SLC2A13: variants seen among roughly 807,000 people sequenced by gnomAD.
The protein encoded by SLC2A13 is proton myo-inositol cotransporter.
In SLC2A13, 32 loss-of-function variants were observed where a neutral mutation model predicts 64.4. The observed-to-expected ratio is 0.50, with a 90% CI of 0.37 to 0.67. SLC2A13 has a LOEUF of 0.67. Ranked by LOEUF, SLC2A13 falls within the 30% of genes least tolerant of loss-of-function variation. The probability of loss-of-function intolerance (pLI) is 0.00; values close to 1 mark genes in which losing one functional copy is unlikely to be tolerated. For missense variants in SLC2A13, 743 were observed against 829.2 expected (o/e 0.90, Z 1.28); for synonymous variants, 338 against 327.1 (o/e 1.03, Z -0.36).
At chr12:40,060,450 A>T (rs1948401960) in intron 1 of SLC2A13, among the ~76,000 whole-genome samples, 1 of 152,186 alleles carries the variant, frequency 6.6e-6, no homozygotes, top group Non-Finnish European at 1.5e-5. Context: ...ATGGAAAGGG[A>T]TCAGAAATCA....
At chr12:40,030,055 T>C (rs1184942407) in intron 2 of SLC2A13, among the ~76,000 whole-genome samples, 1 of 152,242 alleles carries the variant, frequency 6.6e-6, no homozygotes, top group Non-Finnish European at 1.5e-5. Context: ...ACATATTTTA[T>C]GAAATAACAC....
intron 3 of SLC2A13, among the ~76,000 whole-genome samples, chr12:40,026,743 A>G (rs1338917262): frequency 1.3e-5 from 2 of 152,210 alleles, no homozygotes; most frequent in African/African-American, 2.4e-5. Flanking sequence ...CCACTCACAC[A>G]TAATTTGTAC....
Position 39,896,273 on chromosome 12 carries a change from TGTATAC to T in SLC2A13, c.1035-24318_1035-24313del, listed in dbSNP as rs1944855526. Among the ~76,000 whole-genome samples, 13 of 131,992 alleles carry T rather than the reference TGTATAC, an allele frequency of 9.8e-5. No individual in the cohort carries two copies. The Admixed American group carries it at 1.0e-3, about 10-fold the overall frequency. The allele number at this position is 131,992 out of a possible 152,430, so 86.6% of individuals were successfully genotyped here. Reference sequence around the variant, plus strand: ...ACATGTATGTATATGTGTGTATATATGTATACATGTATGTATATGTGTGTATATATG... The same window carrying T: ...ACATGTATGTATATGTGTGTATATATATGTATGTATATGTGTGTATATATG... On this transcript the variant is annotated intron_variant, in intron 4 of 9. Coordinates refer to ENST00000280871, the MANE Select transcript of SLC2A13 (RefSeq NM_052885.4).
At chr12:39,790,461 T>C (rs1248031218) in intron 7 of SLC2A13, among the ~76,000 whole-genome samples, 1 of 149,232 alleles carries the variant, frequency 6.7e-6, no homozygotes, top group African/African-American at 2.5e-5. Context: ...TGAGTGAGAA[T>C]ATGCGGTGTT....
intron 3 of SLC2A13, among the ~76,000 whole-genome samples, chr12:40,018,918 G>T (rs1947664297): frequency 6.6e-6 from 1 of 152,106 alleles, no homozygotes; most frequent in Admixed American, 6.6e-5. Context: ...ATGGAGTCTG[G>T]GCACTACTGA....
At chr12:39,791,226 AAAT>A (rs1170644739) in intron 7 of SLC2A13, among the ~76,000 whole-genome samples, 5 of 148,986 alleles carry the variant, frequency 3.4e-5, no homozygotes, top group Non-Finnish European at 5.9e-5. Flanking sequence ...ACATATTTCA[AAAT>A]AATAAGAGCT....
chr12:40,064,030 G>A (rs1948469071), intron 1 of SLC2A13, among the ~76,000 whole-genome samples: 1 of 152,036 alleles, frequency 6.6e-6, no homozygotes, highest in Non-Finnish European at 1.5e-5. Context: ...ATCGCTTCAA[G>A]CCAGGAGTTT....
At chr12:40,021,804 T>G (rs1947723895) in intron 3 of SLC2A13, among the ~76,000 whole-genome samples, 1 of 152,212 alleles carries the variant, frequency 6.6e-6, no homozygotes, top group Non-Finnish European at 1.5e-5. Flanking sequence ...TTCCTCTAAG[T>G]GCAGCAGATG....
chr12:40,085,201 G>T (rs1262389112), intron 1 of SLC2A13, among the ~76,000 whole-genome samples: 1 of 152,200 alleles, frequency 6.6e-6, no homozygotes, highest in Non-Finnish European at 1.5e-5. Context: ...TCCAAGTCTT[G>T]CCCTATGTAT....
chr12:39,842,729 C>T (rs887999129), intron 6 of SLC2A13, among the ~76,000 whole-genome samples: 2 of 152,004 alleles, frequency 1.3e-5, no homozygotes, highest in African/African-American at 4.8e-5. Context: ...CTATCCAATT[C>T]CGGAACATTT....
chr12:39,933,668 G>A (rs1014645164), intron 4 of SLC2A13, among the ~76,000 whole-genome samples: 23 of 152,124 alleles, frequency 1.5e-4, no homozygotes, highest in African/African-American at 2.4e-4. Flanking sequence ...GCTCCAGGCC[G>A]TTCAGGAACC....
chr12:39,977,878 C>T (rs1029416654), intron 3 of SLC2A13, among the ~76,000 whole-genome samples: 1 of 152,218 alleles, frequency 6.6e-6, no homozygotes, highest in African/African-American at 2.4e-5. Flanking sequence ...TGGTCTTCAC[C>T]CTTTCTCTGG....
At chr12:40,027,216 A>T (rs1947827247) in intron 3 of SLC2A13, among the ~76,000 whole-genome samples, 1 of 152,236 alleles carries the variant, frequency 6.6e-6, no homozygotes, top group Non-Finnish European at 1.5e-5. Flanking sequence ...CAGTAAAAGT[A>T]AAACTTTTTG....
intron 4 of SLC2A13, among the ~76,000 whole-genome samples, chr12:39,941,140 TA>T (rs1946018301): frequency 6.7e-6 from 1 of 148,724 alleles, no homozygotes; most frequent in African/African-American, 2.5e-5. Context: ...TATATATATA[TA>T]TATGAATCAG....
intron 6 of SLC2A13, among the ~76,000 whole-genome samples, chr12:39,864,242 C>T (rs1365573588): frequency 1.3e-5 from 2 of 152,166 alleles, no homozygotes; most frequent in African/African-American, 2.4e-5. Context: ...ATTTTGTTTT[C>T]TTTCACCATC....
intron 7 of SLC2A13, among the ~76,000 whole-genome samples, chr12:39,769,429 C>A (rs1242542493): frequency 6.6e-6 from 1 of 152,032 alleles, no homozygotes; most frequent in Admixed American, 6.6e-5. Flanking sequence ...AACTGGAATT[C>A]TTTTAAAAGA....
intron 1 of SLC2A13, among the ~76,000 whole-genome samples, chr12:40,083,655 C>T (rs1351762903): frequency 1.3e-5 from 2 of 152,090 alleles, no homozygotes; most frequent in African/African-American, 4.8e-5. Context: ...CACAAGGGTC[C>T]CTATTCTGAA....
At chr12:39,877,419 C>T (rs1413097556) in intron 4 of SLC2A13, among the ~76,000 whole-genome samples, 2 of 152,134 alleles carry the variant, frequency 1.3e-5, no homozygotes, top group East Asian at 3.9e-4. Flanking sequence ...ATTCAATTAC[C>T]TCCCATTGAG....
intron 1 of SLC2A13, among the ~76,000 whole-genome samples, chr12:40,099,900 GA>G (rs28365177): frequency 0.1 from 15,065 of 146,002 alleles, 900 homozygotes; most frequent in East Asian, 0.2. Context: ...GGGAGTAGTG[GA>G]AAAAAAAAAA....
Sources: gnomAD v4.1 joint callset for allele counts (sites outside exome capture counted in the v4.1 genomes callset) on GRCh38, gnomAD v4.1.1 for gene constraint, MANE v1.5 for transcripts, NCBI Gene and HGNC (gene_info 2026-07-23, HGNC 2026-07-21) for gene names.